The following SH3PXD2A variants were observed in gnomAD, a reference collection of about 807,000 sequenced individuals.
The protein encoded by SH3PXD2A is SH3 and PX domain-containing protein 2A.
In SH3PXD2A, 32 loss-of-function variants were observed where a neutral mutation model predicts 115.2. The ratio of observed to expected loss-of-function variants is 0.28; its 90% CI spans 0.21 to 0.37. SH3PXD2A has a LOEUF of 0.37. Among genes scored for constraint, SH3PXD2A ranks in the 10% least tolerant of loss-of-function variants. The pLI, the probability that SH3PXD2A is intolerant of heterozygous loss-of-function variation, is 1.00. For synonymous variants in SH3PXD2A, 610 were observed against 629.1 expected (o/e 0.97, Z 0.45); for missense variants, 1,328 against 1,498.7 (o/e 0.89, Z 1.88).
chr10:103,825,798 C>G (rs567883692), intron 1 of SH3PXD2A, among the ~76,000 whole-genome samples: 6 of 147,184 alleles, frequency 4.1e-5, no homozygotes, highest in Non-Finnish European at 7.4e-5. Flanking sequence ...GAGTCTCGCT[C>G]TGTCACCCAG....
chr10:103,772,708 C>T (rs1366939524), intron 2 of SH3PXD2A, among the ~76,000 whole-genome samples: 1 of 152,188 alleles, frequency 6.6e-6, no homozygotes, highest in African/African-American at 2.4e-5. Flanking sequence ...CAGCAATCCA[C>T]GCAGGGGAGA....
intron 3 of SH3PXD2A, among the ~76,000 whole-genome samples, chr10:103,743,800 A>G (rs1250051667): frequency 6.6e-6 from 1 of 152,258 alleles, no homozygotes; most frequent in African/African-American, 2.4e-5. Flanking sequence ...TTGCAGAATC[A>G]GAATTTAGTT....
intron 4 of SH3PXD2A, among the ~76,000 whole-genome samples, chr10:103,727,393 G>A (rs1304585924): frequency 6.6e-6 from 1 of 152,202 alleles, no homozygotes; most frequent in Admixed American, 6.5e-5. Flanking sequence ...AAGAGGGAGG[G>A]AGAGAAAGTC....
At chr10:103,851,491 C>T (rs764196877) in intron 1 of SH3PXD2A, among the ~76,000 whole-genome samples, 13 of 152,098 alleles carry the variant, frequency 8.5e-5, no homozygotes, top group South Asian at 4.2e-4. Context: ...CCTTCCTGCC[C>T]GGATTCTAAT....
At chr10:103,623,895 T>C (rs2036649408) in intron 9 of SH3PXD2A, among the ~76,000 whole-genome samples, 1 of 152,236 alleles carries the variant, frequency 6.6e-6, no homozygotes, top group Non-Finnish European at 1.5e-5. Context: ...GTTCAGCTCA[T>C]GGCCAGACCA....
chr10:103,850,468 TAA>T (rs1348123208), intron 1 of SH3PXD2A, among the ~76,000 whole-genome samples: 1 of 152,178 alleles, frequency 6.6e-6, no homozygotes, highest in Non-Finnish European at 1.5e-5. Flanking sequence ...TGTGCATGTG[TAA>T]GAGAGACAGA....
chr10:103,845,359 G>T (rs28583742), intron 1 of SH3PXD2A, among the ~76,000 whole-genome samples: 2 of 142,934 alleles, frequency 1.4e-5, no homozygotes, highest in African/African-American at 5.1e-5. Flanking sequence ...AAAAGAAAAA[G>T]AAAAAGAAAA....
At chr10:103,664,433 C>T (rs141466039) in intron 7 of SH3PXD2A, among the ~76,000 whole-genome samples, 7 of 152,260 alleles carry the variant, frequency 4.6e-5, no homozygotes, top group Non-Finnish European at 8.8e-5. Flanking sequence ...GTGATGGCCC[C>T]GTTTCACGCA....
At chr10:103,719,699 C>CTTTTTTT (rs1225953343) in intron 5 of SH3PXD2A, among the ~76,000 whole-genome samples, 1 of 141,362 alleles carries the variant, frequency 7.1e-6, no homozygotes, top group African/African-American at 2.6e-5. Context: ...TAGGTAATTT[C>CTTTTTTT]TTTTTCTTTT....
intron 1 of SH3PXD2A, among the ~76,000 whole-genome samples, chr10:103,839,984 G>T (rs551916213): frequency 3.9e-5 from 6 of 152,364 alleles, no homozygotes; most frequent in African/African-American, 1.4e-4. Flanking sequence ...GCTCCGTAGG[G>T]CAAAGGTAAA....
At chr10:103,767,295 C>T in intron 2 of SH3PXD2A, 126 bp from the exon 3 acceptor site, 1 of 692,398 alleles carries the variant, frequency 1.4e-6, no homozygotes, top group Non-Finnish European at 2.6e-6. Context: ...CGCCTGAGAT[C>T]CCTCATTTCA....
chr10:103,802,230 T>C (rs574960382), intron 1 of SH3PXD2A, among the ~76,000 whole-genome samples: 12 of 152,334 alleles, frequency 7.9e-5, no homozygotes, highest in African/African-American at 2.9e-4. Flanking sequence ...CTCAGAGATG[T>C]GTGATTCATC....
At chr10:103,812,503 A>G (rs1333837665) in intron 1 of SH3PXD2A, among the ~76,000 whole-genome samples, 1 of 152,156 alleles carries the variant, frequency 6.6e-6, no homozygotes, top group Non-Finnish European at 1.5e-5. Context: ...AAAGGGTCAG[A>G]AAATGGGATT....
intron 4 of SH3PXD2A, among the ~76,000 whole-genome samples, chr10:103,731,643 A>C (rs2038321140): frequency 6.6e-6 from 1 of 151,862 alleles, no homozygotes; most frequent in Non-Finnish European, 1.5e-5. Flanking sequence ...TCTGCCTAAG[A>C]CTCCCCATTG....
At chr10:103,684,892 T>C (rs2037657722) in intron 6 of SH3PXD2A, among the ~76,000 whole-genome samples, 1 of 151,932 alleles carries the variant, frequency 6.6e-6, no homozygotes, top group African/African-American at 2.4e-5. Flanking sequence ...TGGTGGTGCA[T>C]GTCTGTAGTC....
At chr10:103,689,579 C>A (rs1050196601) in intron 6 of SH3PXD2A, among the ~76,000 whole-genome samples, 5 of 152,124 alleles carry the variant, frequency 3.3e-5, no homozygotes, top group African/African-American at 9.7e-5. Context: ...GCAAGAGAAC[C>A]ACTTGAACCC....
chr10:103,622,635 G>T, intron 9 of SH3PXD2A, 82 bp from the exon 10 acceptor site: 1 of 833,964 alleles, frequency 1.2e-6, no homozygotes. Context: ...TGGGATGGGG[G>T]TGGGAGGAAG....
chr10:103,639,438 T>C (rs2036915261), intron 8 of SH3PXD2A, among the ~76,000 whole-genome samples: 1 of 151,724 alleles, frequency 6.6e-6, no homozygotes, highest in South Asian at 2.1e-4. Context: ...GGTGAAACCC[T>C]GTCTCTATTA....
intron 13 of SH3PXD2A, among the ~76,000 whole-genome samples, chr10:103,607,068 GC>G (rs1592258670): frequency 6.6e-6 from 1 of 151,936 alleles, no homozygotes; most frequent in East Asian, 2.0e-4. Flanking sequence ...CTTCCCGGCC[GC>G]CATCCCATCT....
Sources: gnomAD v4.1 joint callset for allele counts (sites outside exome capture counted in the v4.1 genomes callset) on GRCh38, gnomAD v4.1.1 for gene constraint, MANE v1.5 for transcripts, NCBI Gene and HGNC (gene_info 2026-07-23, HGNC 2026-07-21) for gene names.